Variants in ADAP1 observed in about 807,000 individuals in gnomAD.
ADAP1 encodes the protein arf-GAP with dual PH domain-containing protein 1.
ADAP1 carries 31 observed loss-of-function variants against 54.9 expected under a neutral mutation model. The observed-to-expected ratio is 0.56, with a 90% CI of 0.42 to 0.76. The LOEUF is 0.76. Among genes scored for constraint, ADAP1 ranks in the 30% least tolerant of loss-of-function variants. The pLI is 0.00. For synonymous variants in ADAP1, 313 were observed against 202.6 expected (o/e 1.55, Z -4.63); for missense variants, 535 against 512.4 (o/e 1.04, Z -0.42).
chr7:906,796 CAGGGGACATG>C (rs1562915761), intron 4 of ADAP1, among the ~76,000 whole-genome samples: 7,636 of 33,504 alleles, frequency 0.23, 1,079 homozygotes, highest in African/African-American at 0.46. Flanking sequence ...GGGGACGGGA[CAGGGGACATG>C]GGGGGACATG....
rs973206906 is a variant in ADAP1 at position 899,268 on chromosome 7, G to A, written c.868-7C>T. ...CCCCTCGGGCGAAGGCGTCCTGTGG[G>A]TGGGGACCGCACTGGAGGCGGGGCC... On this transcript the variant is annotated splice_polypyrimidine_tract_variant and splice_region_variant and intron_variant, in intron 9 of 10. Coordinates refer to ENST00000265846, the MANE Select transcript of ADAP1 (RefSeq NM_006869.4). 1 of 1,612,546 alleles carries A rather than the reference G, an allele frequency of 6.2e-7. No homozygotes were observed. Among genetic ancestry groups the A allele is most frequent in the African/African-American group, 1.3e-5 (1 of 74,940 alleles).
chr7:950,606 C>T (rs113766238), intron 1 of ADAP1, among the ~76,000 whole-genome samples: 18,198 of 152,034 alleles, frequency 0.12, 1,286 homozygotes, highest in Middle Eastern at 0.2. Context: ...CCTGTAATCC[C>T]AGCCATTTGG....
Position 920,272 on chromosome 7 carries a change from G to A in ADAP1, c.306-222C>T, listed in dbSNP as rs959159012. On this transcript the variant is annotated intron_variant, in intron 3 of 10. Transcript: ENST00000265846. The surrounding 1 kb of genome is among the most constrained non-coding windows in gnomAD (Gnocchi z 4.5). ...TAGTTTATTGGTTTCTTGTGCGTTC[G>A]GCCCCCGGAGCATCAGGCCTCACGT... 6.6e-6 allele frequency among the ~76,000 whole-genome samples: 1 copy of A among 152,000 alleles called. No individual in the cohort carries two copies. Among genetic ancestry groups the A allele is most frequent in the African/African-American group, 2.4e-5 (1 of 41,372 alleles).
intron 4 of ADAP1, among the ~76,000 whole-genome samples, chr7:912,486 C>T (rs766723174): frequency 2.6e-5 from 4 of 152,138 alleles, no homozygotes; most frequent in African/African-American, 7.2e-5. Flanking sequence ...AGGGAGGCGG[C>T]GCAGAGGGTG....
rs12669038 is a variant in ADAP1, at chr7:921,953, C to T, written c.306-1903G>A. Among the ~76,000 whole-genome samples, 3,081 of 152,288 alleles carry T rather than the reference C, an allele frequency of 0.02. 243 individuals carry two copies. The East Asian group carries it at 0.27, about 14-fold the overall frequency. ...AGAATGGGCCCCCAAGGCTCACACC[C>T]GCACACAAGGGCATCCCAGGGCCTG... On this transcript the variant is annotated intron_variant, in intron 3 of 10. Transcript: ENST00000265846.
chr7:920,093 T>C lies in ADAP1; in HGVS notation c.306-43A>G. 1.3e-6 allele frequency: 2 copies of C among 1,576,944 alleles called. No individual in the cohort carries two copies. Among genetic ancestry groups the C allele is most frequent in the Non-Finnish European group, 1.7e-6 (2 of 1,160,766 alleles). ...ACTGAGCCACTGGGCCAAGGCGGCC[T>C]CCGACCCAGCACACGCCGCTCTCTG... is the stretch of plus-strand genomic sequence containing the variant. On this transcript the variant is annotated intron_variant, in intron 3 of 10. Transcript: ENST00000265846. The surrounding 1 kb of genome is among the most constrained non-coding windows in gnomAD (Gnocchi z 4.5).
chr7:950,011 G>A (rs73044453), intron 1 of ADAP1, among the ~76,000 whole-genome samples: 3,785 of 152,336 alleles, frequency 0.025, 107 homozygotes, highest in Non-Finnish European at 0.032. Flanking sequence ...CACACAGCAC[G>A]ATTCACAATG....
At chr7:932,097 G>A (rs1040468392) in intron 2 of ADAP1, among the ~76,000 whole-genome samples, 2 of 152,246 alleles carry the variant, frequency 1.3e-5, no homozygotes, top group South Asian at 2.1e-4. Flanking sequence ...AGGCCTGCCT[G>A]AGATTCATCT....
At position 920,413 on chromosome 7, in the gene ADAP1, G is replaced by A. The variant is rs112166107; in HGVS notation, c.306-363C>T. ...GGGTTGAGCCAGGCCCCCCCACCCC[G>A]AGTCACACGCCCCTGGGCCCTCCCC... is the stretch of plus-strand genomic sequence containing the variant. On this transcript the variant is annotated intron_variant, in intron 3 of 10. Transcript: ENST00000265846. This position sits in a 1 kb window ranked among gnomAD's most constrained non-coding sequence, Gnocchi z 4.5. Among the ~76,000 whole-genome samples, 7,137 of 89,780 alleles carry A rather than the reference G, an allele frequency of 0.079. 280 individuals are homozygous for A. Among genetic ancestry groups the A allele is most frequent in the African/African-American group, 0.16 (3,878 of 24,130 alleles). The allele number at this position is 89,780 out of a possible 152,430, so 58.9% of individuals were successfully genotyped here.
intron 4 of ADAP1, among the ~76,000 whole-genome samples, chr7:908,856 G>C (rs1434634481): frequency 6.6e-6 from 1 of 152,142 alleles, no homozygotes; most frequent in Non-Finnish European, 1.5e-5. Context: ...GACAAGTTTG[G>C]GCCACCTCGC....
Position 905,175 on chromosome 7 carries a change from G to T in ADAP1, c.389-3C>A. 6.2e-7 allele frequency: 1 copy of T among 1,610,672 alleles called. No individual in the cohort carries two copies. The highest frequency in any genetic ancestry group is 8.5e-7 in the Non-Finnish European group (1 of 1,179,382). ...CCAGAGAAAACCCTCACGGTACCCT[G>T]TGGGGGAAAGGGGACACGAGTCGGT... On this transcript the variant is annotated splice_region_variant and splice_polypyrimidine_tract_variant and intron_variant, in intron 4 of 10. Coordinates refer to ENST00000265846, the MANE Select transcript of ADAP1 (RefSeq NM_006869.4).
rs1847340674 is a variant in ADAP1 at position 954,479 on chromosome 7, G to GCCGCGATGCGC, written c.-13_-3dup. The GCCGCGATGCGC allele has an allele frequency of 5.8e-6, 6 of 1,026,672 alleles. No homozygotes were observed. Among genetic ancestry groups the GCCGCGATGCGC allele is most frequent in the African/African-American group, 1.7e-5 (1 of 57,422 alleles). The allele number at this position is 1,026,672 out of a possible 1,614,324, so 63.6% of individuals were successfully genotyped here. ...CGCCCTGCGCCGCTCCTTGGCCATG[G>GCCGCGATGCGC]CCGCGATGCGCCCGCGATGCCGATG... On this transcript the variant is annotated 5_prime_UTR_variant, in exon 1 of 11. Coordinates refer to ENST00000265846, the MANE Select transcript of ADAP1 (RefSeq NM_006869.4).
intron 4 of ADAP1, among the ~76,000 whole-genome samples, chr7:910,135 G>C (rs900680963): frequency 1.3e-5 from 2 of 152,212 alleles, no homozygotes; most frequent in African/African-American, 2.4e-5. Context: ...GGGATGTAAG[G>C]TGCCCCAGTC....
At chr7:903,955 G>A (rs1055352771) in intron 6 of ADAP1, 171 bp downstream of exon 6, 85 of 836,196 alleles carry the variant, frequency 1.0e-4, no homozygotes, top group African/African-American at 6.0e-4. Flanking sequence ...ACTCCCACAC[G>A]TCCAAGCACC....
intron 2 of ADAP1, 119 bp downstream of exon 2, chr7:935,256 C>T: frequency 7.1e-7 from 1 of 1,403,384 alleles, no homozygotes; most frequent in Non-Finnish European, 9.7e-7. Flanking sequence ...AGCCAGGCCC[C>T]CAGAGTAGCC....
chr7:915,550 G>C (rs140145266), intron 4 of ADAP1, among the ~76,000 whole-genome samples: 2 of 152,204 alleles, frequency 1.3e-5, no homozygotes, highest in Non-Finnish European at 2.9e-5. Context: ...CCTCTGCCCC[G>C]ACTCTACCCT....
At chr7:918,009 G>A (rs936951611) in intron 4 of ADAP1, among the ~76,000 whole-genome samples, 4 of 152,120 alleles carry the variant, frequency 2.6e-5, no homozygotes, top group Non-Finnish European at 5.9e-5. Context: ...GGCTGGTCTT[G>A]AACTCCTGAG....
rs1321784821 is a variant in ADAP1, at chr7:920,127, C to G, written c.306-77G>C. 3 of 1,375,058 alleles carry G rather than the reference C, an allele frequency of 2.2e-6. No individual in the cohort carries two copies. Among genetic ancestry groups the G allele is most frequent in the Non-Finnish European group, 3.0e-6 (3 of 992,670 alleles). The allele number at this position is 1,375,058 out of a possible 1,614,324, so 85.2% of individuals were successfully genotyped here. On this transcript the variant is annotated intron_variant, in intron 3 of 10. Coordinates refer to ENST00000265846, the MANE Select transcript of ADAP1 (RefSeq NM_006869.4). The surrounding 1 kb of genome is among the most constrained non-coding windows in gnomAD (Gnocchi z 4.5). Reference sequence around the variant, plus strand: ...GCACACGCCGCTCTCTGGCCCGGACCCTGGACATCTCAAGAGGCTCATAGG... The same window carrying G: ...GCACACGCCGCTCTCTGGCCCGGACGCTGGACATCTCAAGAGGCTCATAGG...
chr7:902,475 A>AAAATGCCTGGGCGTGGTGGTGCCC (rs1491159593), intron 6 of ADAP1, among the ~76,000 whole-genome samples: 2 of 142,374 alleles, frequency 1.4e-5, no homozygotes, highest in African/African-American at 2.6e-5. Context: ...AAAAAAAGAA[A>AAAATGCCTGGGCGTGGTGGTGCCC]GAAAAGAAAG....
Sources: gnomAD v4.1 joint callset for allele counts (sites outside exome capture counted in the v4.1 genomes callset) on GRCh38, gnomAD v4.1.1 for gene constraint, Gnocchi (gnomAD v3.1) non-coding constraint, MANE v1.5 for transcripts, NCBI Gene and HGNC (gene_info 2026-07-23, HGNC 2026-07-21) for gene names.